TANGO6: variants seen among roughly 807,000 people sequenced by gnomAD.
TANGO6 encodes the protein transport and golgi organization 6 homolog.
TANGO6 carries 90 observed loss-of-function variants against 114.2 expected under a neutral mutation model. The observed-to-expected ratio is 0.79, with a 90% CI of 0.66 to 0.94. The LOEUF is 0.94. Among genes scored for constraint, TANGO6 ranks in the 40% least tolerant of loss-of-function variants. The pLI is 0.00. For missense variants in TANGO6, 1,274 were observed against 1,315.3 expected (o/e 0.97, Z 0.49); for synonymous variants, 477 against 509.8 (o/e 0.94, Z 0.87).
At chr16:68,992,666 C>T (rs1963955245) in intron 15 of TANGO6, among the ~76,000 whole-genome samples, 2 of 152,166 alleles carry the variant, frequency 1.3e-5, no homozygotes, top group South Asian at 2.1e-4. Context: ...CTGTGACAGC[C>T]GTTCCTTGTT....
At chr16:69,052,844 C>T (rs1238063582) in intron 17 of TANGO6, among the ~76,000 whole-genome samples, 1 of 152,108 alleles carries the variant, frequency 6.6e-6, no homozygotes, top group African/African-American at 2.4e-5. Context: ...CACGGTGGCT[C>T]ATGCCTGTAA....
intron 14 of TANGO6, among the ~76,000 whole-genome samples, chr16:68,955,791 A>G (rs1963523371): frequency 6.6e-6 from 1 of 152,192 alleles, no homozygotes; most frequent in African/African-American, 2.4e-5. Context: ...AACTATACAT[A>G]TTCTATAAAA....
chr16:69,036,970 A>G (rs1383084959), intron 16 of TANGO6, among the ~76,000 whole-genome samples: 1 of 151,506 alleles, frequency 6.6e-6, no homozygotes, highest in Admixed American at 6.6e-5. Flanking sequence ...CTCACAGAAA[A>G]AAAAAAGAAA....
At chr16:68,946,193 CTTCT>C (rs978933213) in intron 14 of TANGO6, among the ~76,000 whole-genome samples, 4 of 150,292 alleles carry the variant, frequency 2.7e-5, no homozygotes, top group African/African-American at 9.9e-5. Flanking sequence ...TCTTCTTCTT[CTTCT>C]TTTTTTTTTT....
chr16:69,055,768 G>A (rs766581363), intron 17 of TANGO6, among the ~76,000 whole-genome samples: 19 of 152,236 alleles, frequency 1.2e-4, no homozygotes, highest in Admixed American at 2.0e-4. Context: ...GCGTGCTGGC[G>A]TGTCACGCCT....
chr16:69,055,736 T>C (rs1162244873), intron 17 of TANGO6, among the ~76,000 whole-genome samples: 1 of 152,234 alleles, frequency 6.6e-6, no homozygotes, highest in Non-Finnish European at 1.5e-5. Context: ...AGTGATGGGC[T>C]TGAAAAGTAA....
intron 15 of TANGO6, among the ~76,000 whole-genome samples, chr16:68,998,077 A>G (rs1227324432): frequency 6.6e-6 from 1 of 152,234 alleles, no homozygotes; most frequent in African/African-American, 2.4e-5. Flanking sequence ...TTCCTACACA[A>G]AGAGTACAAT....
chr16:68,999,872 G>A (rs1157698551), intron 15 of TANGO6, among the ~76,000 whole-genome samples: 2 of 152,208 alleles, frequency 1.3e-5, no homozygotes, highest in Non-Finnish European at 2.9e-5. Context: ...TTCCAAGAGA[G>A]TCTTGAAAGT....
chr16:68,980,435 A>ATATATATATATATAT (rs1317961639), intron 15 of TANGO6, among the ~76,000 whole-genome samples: 3 of 61,776 alleles, frequency 4.9e-5, no homozygotes, highest in African/African-American at 7.2e-5. Flanking sequence ...ATATATATAT[A>ATATATATATATATAT]TTTTTTTTTT....
At chr16:68,924,330 A>C (rs1167727300) in intron 12 of TANGO6, among the ~76,000 whole-genome samples, 5 of 152,198 alleles carry the variant, frequency 3.3e-5, no homozygotes, top group African/African-American at 4.8e-5. Flanking sequence ...TGGGAGGCCG[A>C]GGCAGGAGGA....
At chr16:68,897,134 C>A (rs1182070111) in intron 7 of TANGO6, among the ~76,000 whole-genome samples, 1 of 152,082 alleles carries the variant, frequency 6.6e-6, no homozygotes, top group African/African-American at 2.4e-5. Context: ...AACTCCTGAC[C>A]TCGTGATCCA....
chr16:68,991,155 C>G (rs1183498342), intron 15 of TANGO6, among the ~76,000 whole-genome samples: 2 of 152,150 alleles, frequency 1.3e-5, no homozygotes, highest in Middle Eastern at 3.2e-3. Context: ...AGAAGAAAGG[C>G]TAGATAGACA....
At chr16:68,954,991 G>A (rs1320317094) in intron 14 of TANGO6, among the ~76,000 whole-genome samples, 3 of 152,074 alleles carry the variant, frequency 2.0e-5, no homozygotes, top group Non-Finnish European at 4.4e-5. Flanking sequence ...TGGCTGTTTA[G>A]GGAAACTGAA....
chr16:69,016,420 C>T (rs186462822), intron 15 of TANGO6, among the ~76,000 whole-genome samples: 6 of 152,080 alleles, frequency 3.9e-5, no homozygotes, highest in South Asian at 2.1e-4. Flanking sequence ...AAAGATTTGC[C>T]GGATGAATGA....
At chr16:69,070,071 T>C (rs913449714) in intron 17 of TANGO6, among the ~76,000 whole-genome samples, 2 of 135,162 alleles carry the variant, frequency 1.5e-5, no homozygotes, top group Non-Finnish European at 1.6e-5. Context: ...AAAAGCTAGG[T>C]GTGGCATGTG....
intron 14 of TANGO6, among the ~76,000 whole-genome samples, chr16:68,950,657 G>A (rs955889918): frequency 1.3e-5 from 2 of 150,750 alleles, no homozygotes; most frequent in East Asian, 2.0e-4. Context: ...TCAGGAGTTC[G>A]AGACCAGCTT....
At chr16:68,881,712 A>C (rs1413307067) in intron 7 of TANGO6, among the ~76,000 whole-genome samples, 1 of 152,246 alleles carries the variant, frequency 6.6e-6, no homozygotes, top group Non-Finnish European at 1.5e-5. Context: ...TATTCATAGA[A>C]AAAAAGTGAA....
Position 68,988,694 on chromosome 16 carries a change from T to C in TANGO6, c.2842+14526T>C, listed in dbSNP as rs77762845. On this transcript the variant is annotated intron_variant, in intron 15 of 17. Coordinates refer to ENST00000261778, the MANE Select transcript of TANGO6 (RefSeq NM_024562.2). ...GTTAGAGTTTAAGTTCTCTCTCTCT[T>C]TTTTTTTTTTTTTTTTTTTGAGACA... Among the ~76,000 whole-genome samples the C allele has an allele frequency of 4.0e-4, 55 of 137,514 alleles. 1 individual carries two copies. The highest frequency in any genetic ancestry group is 2.0e-3 in the Admixed American group (28 of 14,174). The allele number at this position is 137,514 out of a possible 152,430, so 90.2% of individuals were successfully genotyped here.
At chr16:68,859,809 G>A in intron 1 of TANGO6, 75 bp from the exon 2 acceptor site, 1 of 1,452,476 alleles carries the variant, frequency 6.9e-7, no homozygotes, top group South Asian at 1.5e-5. Flanking sequence ...AACTGGAGTA[G>A]GCAGGGCATT....
Sources: allele counts gnomAD v4.1 joint callset (sites outside exome capture counted in the v4.1 genomes callset), GRCh38; gene constraint gnomAD v4.1.1; transcripts MANE v1.5; gene names NCBI Gene and HGNC (gene_info 2026-07-23, HGNC 2026-07-21).